TYRO3: variants seen among roughly 807,000 people sequenced by gnomAD.
TYRO3 encodes TYRO3 protein tyrosine kinase, also known as tyrosine-protein kinase receptor TYRO3.
A neutral mutation model predicts 95.2 loss-of-function variants in TYRO3; 38 were observed. That is an observed-to-expected ratio of 0.40 (90% CI 0.31 to 0.52). The LOEUF is 0.52. TYRO3 is among the 20% of genes least tolerant of loss of function. The pLI, the probability that TYRO3 is intolerant of heterozygous loss-of-function variation, is 0.56. For synonymous variants in TYRO3, 367 were observed against 432.9 expected (o/e 0.85, Z 1.89); for missense variants, 812 against 1,116.4 (o/e 0.73, Z 3.89).
rs2055933639 is a variant in TYRO3, at chr15:41,582,632, A to C, written c.*4356A>C. ...GGGAGGTGGAAGTTGCTGTGAGACG[A>C]GATTGTGCCATGGCACTCCAGCCTG... On this transcript the variant is annotated 3_prime_UTR_variant, in exon 19 of 19. Transcript: ENST00000263798. 6.6e-6 allele frequency: 1 copy of C among 152,136 alleles called. No homozygotes were observed. Among genetic ancestry groups the C allele is most frequent in the Admixed American group, 6.5e-5 (1 of 15,270 alleles). 9.4% of individuals were successfully genotyped at this position (152,136 alleles called of 1,614,324 possible).
At chr15:41,570,938 A>C in intron 12 of TYRO3, 100 bp from the exon 13 acceptor site, 21 of 1,339,240 alleles carry the variant, frequency 1.6e-5, no homozygotes, top group Non-Finnish European at 2.2e-5. Flanking sequence ...CACTGGCCCC[A>C]GAGTCTGCTG....
In TYRO3 at chr15:41,570,756, G is replaced by T. The variant is rs556698186; in HGVS notation, c.1579+57G>T. 2.6e-6 allele frequency: 4 copies of T among 1,527,556 alleles called. No homozygotes were observed. The Admixed American group carries it at 5.0e-5, about 19-fold the overall frequency. The allele number at this position is 1,527,556 out of a possible 1,614,324, so 94.6% of individuals were successfully genotyped here. ...TGGTTTGCTGTAGCTGGAAGTGTTT[G>T]GTTGCCCCTGTCACTTTGAGGCTGT... On this transcript the variant is annotated intron_variant, in intron 12 of 18. Transcript: ENST00000263798.
Position 41,561,590 on chromosome 15 carries a change from G to A in TYRO3, c.360G>A (p.Glu120=). Residue 120 remains glutamate, a synonymous_variant, in exon 3 of 19, where the codon GAG becomes GAA. Transcript: ENST00000263798. ...CCGGCCGGTACTGGTGCCAGGTGGA[G>A]GATGGGGGTGAAACCGAGATCTCCC... ...SDAGRYWCQV[E]DGGETEISQP... 6.3e-7 allele frequency: 1 copy of A among 1,594,950 alleles called. No homozygotes were observed. Among genetic ancestry groups the A allele is most frequent in the Non-Finnish European group, 8.5e-7 (1 of 1,172,412 alleles).
chr15:41,573,814 G>C lies in TYRO3; in HGVS notation c.2281G>C (p.Val761Leu). Reference sequence around the variant, plus strand: ...ACAGCCTCCGGAGTGTATGGAGGACGTGTGAGTATCCTGGGAAGGGGGCTC... The same window carrying C: ...ACAGCCTCCGGAGTGTATGGAGGACCTGTGAGTATCCTGGGAAGGGGGCTC... ...LKQPPECMEDVYDLMYQCWSA... is the reference protein window; with the variant it reads ...LKQPPECMEDLYDLMYQCWSA... Residue 761 changes from valine (V) to leucine (L), a missense_variant and splice_region_variant, in exon 18 of 19, where the codon GTG becomes CTG. By Grantham distance (32) the Val-to-Leu change is conservative. Coordinates refer to ENST00000263798, the MANE Select transcript of TYRO3 (RefSeq NM_006293.4). 6.2e-7 allele frequency: 1 copy of C among 1,613,822 alleles called. No homozygotes were observed. The highest frequency in any genetic ancestry group is 8.5e-7 in the Non-Finnish European group (1 of 1,179,922).
At chr15:41,559,688 C>CCTCGA (rs2052138557) in intron 1 of TYRO3, among the ~76,000 whole-genome samples, 1 of 152,214 alleles carries the variant, frequency 6.6e-6, no homozygotes, top group Admixed American at 6.5e-5. Context: ...ATGTTCCCAG[C>CCTCGA]TGTTAGCTCC....
At chr15:41,572,913 C>G (rs1388752726) in intron 15 of TYRO3, 89 bp from the exon 16 acceptor site, 2 of 859,740 alleles carry the variant, frequency 2.3e-6, no homozygotes, top group African/African-American at 3.4e-5. Context: ...CTGGGGACAG[C>G]CTTCAGGCTT....
Position 41,581,120 on chromosome 15 carries a change from G to A in TYRO3, c.*2844G>A, listed in dbSNP as rs545825378. The A allele has an allele frequency of 4.6e-5, 7 of 153,480 alleles. No homozygotes were observed. Among genetic ancestry groups the A allele is most frequent in the African/African-American group, 1.7e-4 (7 of 41,566 alleles). 9.5% of individuals were successfully genotyped at this position (153,480 alleles called of 1,614,324 possible). A position where few individuals can be genotyped will look rare whatever the true frequency, so the allele number is the denominator to read the frequency against. ...CATGAGAATCACTTAAACCTGGGAG[G>A]AGGAGGTTGCAGTAAGCTGAGATCT... On this transcript the variant is annotated 3_prime_UTR_variant, in exon 19 of 19. Coordinates refer to ENST00000263798, the MANE Select transcript of TYRO3 (RefSeq NM_006293.4).
Position 41,561,552 on chromosome 15 carries a change from G to A in TYRO3, c.322G>A (p.Glu108Lys). The change falls in exon 3 of 19, where the codon GAG becomes AAG. Residue 108 changes from glutamate (E) to lysine (K), a missense_variant. Coordinates refer to ENST00000263798, the MANE Select transcript of TYRO3 (RefSeq NM_006293.4). ...WIGFLSLKSV[E>K]RSDAGRYWCQ... ...CTGTTTCCACAGCCTGAAGTCAGTG[G>A]AGCGCTCTGACGCCGGCCGGTACTG... 1 of 1,587,170 alleles carries A rather than the reference G, an allele frequency of 6.3e-7. No individual in the cohort carries two copies. Among genetic ancestry groups the A allele is most frequent in the Non-Finnish European group, 8.6e-7 (1 of 1,168,302 alleles).
chr15:41,564,797 G>A, intron 5 of TYRO3: 1 of 533,698 alleles, frequency 1.9e-6, no homozygotes. Context: ...GGCCTTCGTG[G>A]CAGGGAGAGG....
Position 41,567,378 on chromosome 15 carries a change from G to T in TYRO3, c.802G>T (p.Gly268Cys). 1.3e-6 allele frequency: 2 copies of T among 1,577,068 alleles called. No individual in the cohort carries two copies. Among genetic ancestry groups the T allele is most frequent in the Non-Finnish European group, 1.7e-6 (2 of 1,166,492 alleles). Residue 268 changes from glycine (G) to cysteine (C), a missense_variant, in exon 7 of 19, where the codon GGC becomes TGC. Physicochemically the swap from Gly to Cys is radical, Grantham distance 159. Coordinates refer to ENST00000263798, the MANE Select transcript of TYRO3 (RefSeq NM_006293.4). The stretch of plus-strand genomic sequence containing the variant: ...TCTGTAGGTGACACAGGCCCCAGGA[G>T]GCTGGGAAGTCCTGGCTGTTGTGGT... ...CTVQVTQAPG[G>C]WEVLAVVVPV...
intron 17 of TYRO3, 66 bp downstream of exon 17, chr15:41,573,533 G>T: frequency 1.3e-6 from 2 of 1,576,170 alleles, no homozygotes; most frequent in Non-Finnish European, 8.7e-7. Flanking sequence ...GGATCCTTAA[G>T]GGCCTAGCCA....
At chr15:41,575,041 AG>A (rs2055843808) in intron 18 of TYRO3, among the ~76,000 whole-genome samples, 1 of 152,190 alleles carries the variant, frequency 6.6e-6, no homozygotes, top group Non-Finnish European at 1.5e-5. Context: ...CATGAGCCCC[AG>A]GGGGAGTGGG....
Position 41,561,576 on chromosome 15 carries a change from T to C in TYRO3, c.346T>C (p.Trp116Arg). 6.3e-7 allele frequency: 1 copy of C among 1,594,936 alleles called. No homozygotes were observed. Reference sequence around the variant, plus strand: ...GGAGCGCTCTGACGCCGGCCGGTACTGGTGCCAGGTGGAGGATGGGGGTGA... The same window carrying C: ...GGAGCGCTCTGACGCCGGCCGGTACCGGTGCCAGGTGGAGGATGGGGGTGA... ...SVERSDAGRY[W>R]CQVEDGGETE... Residue 116 changes from tryptophan (W) to arginine (R), a missense_variant, in exon 3 of 19, where the codon TGG (tryptophan) becomes CGG (arginine). Coordinates refer to ENST00000263798, the MANE Select transcript of TYRO3 (RefSeq NM_006293.4).
rs61733070 is a variant in TYRO3, at chr15:41,578,186, G to T, written c.2583G>T (p.Gly861=). 2.5e-6 allele frequency: 4 copies of T among 1,613,766 alleles called. No individual in the cohort carries two copies. Among genetic ancestry groups the T allele is most frequent in the Non-Finnish European group, 3.4e-6 (4 of 1,180,052 alleles). Residue 861 remains glycine (G), a synonymous_variant, in exon 19 of 19, where the codon GGG becomes GGT. Transcript: ENST00000263798. ...LTPGGLAEQP[G]QAEHQPESPL... The stretch of plus-strand genomic sequence containing the variant: ...CCGGAGGGCTGGCTGAGCAGCCAGG[G>T]CAGGCAGAGCACCAGCCAGAGAGTC...
rs1255890266 is a variant in TYRO3 at position 41,573,020 on chromosome 15, C to G, written c.1894C>G (p.Leu632Val). The change falls in exon 16 of 19, where the codon CTG becomes GTG. Residue 632 changes from leucine (L) to valine (V), a missense_variant. Coordinates refer to ENST00000263798, the MANE Select transcript of TYRO3 (RefSeq NM_006293.4). ...CCACTAGAACCTACCCCTCCAGACC[C>G]TGATCCGGTTCATGGTGGACATTGC... ...ENPFNLPLQT[L>V]IRFMVDIACG... 1.2e-6 allele frequency: 2 copies of G among 1,614,092 alleles called. No individual in the cohort carries two copies. Among genetic ancestry groups the G allele is most frequent in the South Asian group, 2.2e-5 (2 of 91,080 alleles).
At chr15:41,576,121 AAAAATT>A (rs1453749205) in intron 18 of TYRO3, among the ~76,000 whole-genome samples, 1 of 151,630 alleles carries the variant, frequency 6.6e-6, no homozygotes, top group Non-Finnish European at 1.5e-5. Flanking sequence ...AAAAAAAAAA[AAAAATT>A]AATTCCTGTT....
intron 17 of TYRO3, 83 bp from the exon 18 acceptor site, chr15:41,573,596 T>C: frequency 6.9e-7 from 1 of 1,443,880 alleles, no homozygotes; most frequent in Non-Finnish European, 9.4e-7. Flanking sequence ...AGCCCCAGGT[T>C]GTGCTTGTCT....
intron 6 of TYRO3, 43 bp from the exon 7 acceptor site, chr15:41,567,317 C>T (rs745536446): frequency 7.0e-7 from 1 of 1,426,808 alleles, no homozygotes; most frequent in Admixed American, 2.6e-5. Flanking sequence ...TTCCATCTCT[C>T]ACAGGCTCTC....
At chr15:41,574,364 C>T (rs2055837390) in intron 18 of TYRO3, among the ~76,000 whole-genome samples, 1 of 152,146 alleles carries the variant, frequency 6.6e-6, no homozygotes, top group Non-Finnish European at 1.5e-5. Context: ...AATGATACCA[C>T]CCACTTTGCT....
Sources: allele counts gnomAD v4.1 joint callset (sites outside exome capture counted in the v4.1 genomes callset), GRCh38; gene constraint gnomAD v4.1.1; transcripts MANE v1.5; gene names NCBI Gene and HGNC (gene_info 2026-07-23, HGNC 2026-07-21).